The following BRI3BP variants were observed in gnomAD, a reference collection of about 807,000 sequenced individuals.
The protein encoded by BRI3BP is BRI3 binding protein, also known as BRI3-binding protein.
BRI3BP carries 7 observed loss-of-function variants against 15.8 expected under a neutral mutation model. The ratio of observed to expected loss-of-function variants is 0.44; its 90% CI spans 0.25 to 0.83. BRI3BP has a LOEUF of 0.83. Among genes scored for constraint, BRI3BP ranks in the 40% least tolerant of loss-of-function variants. The pLI, the probability that BRI3BP is intolerant of heterozygous loss-of-function variation, is 0.20. For missense variants in BRI3BP, 320 were observed against 339.3 expected, an observed-to-expected ratio of 0.94 and a Z score of 0.45; for synonymous variants, 192 against 163.5, an observed-to-expected ratio of 1.17 and a Z score of -1.33.
At chr12:125,024,312 C>G (rs1431899651) in intron 2 of BRI3BP, among the ~76,000 whole-genome samples, 2 of 104,496 alleles carry the variant, frequency 1.9e-5, no homozygotes, top group African/African-American at 1.1e-4. Context: ...CCCCATGATC[C>G]AATCACCCCC....
the BRI3BP span, among the ~76,000 whole-genome samples, chr12:125,039,045 G>T: frequency 2.0e-5 from 3 of 152,154 alleles, no homozygotes; most frequent in Non-Finnish European, 1.5e-5. Context: ...AGCTGAGATT[G>T]TGCCACTGCA....
chr12:125,007,120 A>C (rs1955151123), intron 1 of BRI3BP, among the ~76,000 whole-genome samples: 2 of 151,968 alleles, frequency 1.3e-5, no homozygotes, highest in Admixed American at 1.3e-4. Flanking sequence ...AATTGCTTGA[A>C]TCCACAAGGC....
intron 1 of BRI3BP, among the ~76,000 whole-genome samples, chr12:125,006,807 C>T (rs78666517): frequency 2.0e-5 from 3 of 152,330 alleles, no homozygotes; most frequent in East Asian, 3.9e-4. Context: ...ATTGCTTCCA[C>T]GCACCCTTTC....
downstream of BRI3BP, among the ~76,000 whole-genome samples, chr12:125,034,882 C>T (rs974412976): frequency 9.2e-5 from 14 of 152,174 alleles, no homozygotes; most frequent in African/African-American, 2.9e-4. Context: ...ACCACCGCGC[C>T]CGGCCCTAGT....
chr12:125,008,882 G>A (rs991034292), intron 1 of BRI3BP, among the ~76,000 whole-genome samples: 3 of 152,012 alleles, frequency 2.0e-5, no homozygotes, highest in Non-Finnish European at 4.4e-5. Context: ...GGGGTGACGC[G>A]GACAGTGGCA....
Position 125,014,002 on chromosome 12 carries a change from C to T in BRI3BP, c.316+1366C>T, listed in dbSNP as rs1351938766. 2.0e-5 allele frequency among the ~76,000 whole-genome samples: 3 copies of T among 152,152 alleles called. No individual in the cohort carries two copies. The South Asian group carries it at 6.2e-4, about 32-fold the overall frequency. ...TGCCCCACCTCCACCTGCATTCCAT[C>T]GGTGGGTGACAGGAGCTAACCCGGG... is the stretch of plus-strand genomic sequence containing the variant. On this transcript the variant is annotated intron_variant, in intron 2 of 2. Coordinates refer to ENST00000341446, the MANE Select transcript of BRI3BP (RefSeq NM_080626.6).
the BRI3BP span, among the ~76,000 whole-genome samples, chr12:125,038,797 G>A: frequency 6.9e-6 from 1 of 145,106 alleles, no homozygotes; most frequent in Non-Finnish European, 1.5e-5. Flanking sequence ...AAATAGAATA[G>A]AATAAAATCC....
chr12:124,994,123 A>AG (rs919774257), intron 1 of BRI3BP, 120 bp downstream of exon 1: 3 of 671,830 alleles, frequency 4.5e-6, no homozygotes, highest in African/African-American at 2.0e-5. Context: ...GCGCGGGAAG[A>AG]GGGGGTCCGG....
chr12:125,046,836 G>T, the BRI3BP span, among the ~76,000 whole-genome samples: 2 of 152,136 alleles, frequency 1.3e-5, no homozygotes, highest in East Asian at 3.9e-4. Context: ...CTCTAAAAAT[G>T]ATTATTCCCA....
chr12:125,048,932 G>A, the BRI3BP span, among the ~76,000 whole-genome samples: 3 of 152,010 alleles, frequency 2.0e-5, no homozygotes, highest in Non-Finnish European at 2.9e-5. Context: ...CAAGGTATAT[G>A]CAAGAGAGCC....
chr12:125,026,654 A>T lies in BRI3BP; in HGVS notation c.*1224A>T, dbSNP rs1033009799. 1 of 151,936 alleles carries T rather than the reference A, an allele frequency of 6.6e-6. No individual in the cohort carries two copies. Among genetic ancestry groups the T allele is most frequent in the Non-Finnish European group, 1.5e-5 (1 of 68,024 alleles). The allele number at this position is 151,936 out of a possible 1,614,324, so 9.4% of individuals were successfully genotyped here. A position where few individuals can be genotyped will look rare whatever the true frequency, so the allele number is the denominator to read the frequency against. ...CCCCTTTTGTTAGGACTTGTTTTTTAAAAAAGAAAGCCCTAGGCCAGGCGC... is the reference window on the plus strand; with the variant it reads ...CCCCTTTTGTTAGGACTTGTTTTTTTAAAAAGAAAGCCCTAGGCCAGGCGC... On this transcript the variant is annotated 3_prime_UTR_variant, in exon 3 of 3. Coordinates refer to ENST00000341446, the MANE Select transcript of BRI3BP (RefSeq NM_080626.6).
the BRI3BP span, among the ~76,000 whole-genome samples, chr12:125,045,579 G>A: frequency 1.3e-5 from 2 of 152,100 alleles, no homozygotes; most frequent in African/African-American, 2.4e-5. Context: ...CGATCTGCCC[G>A]CCTAGGTCTC....
chr12:125,018,686 T>C (rs1955267979), intron 2 of BRI3BP, among the ~76,000 whole-genome samples: 1 of 150,920 alleles, frequency 6.6e-6, no homozygotes, highest in African/African-American at 2.4e-5. Context: ...TTTTTTTTTT[T>C]TTTCTTTTCT....
At chr12:125,010,359 G>A in intron 1 of BRI3BP, among the ~76,000 whole-genome samples, 1 of 152,090 alleles carries the variant, frequency 6.6e-6, no homozygotes, top group East Asian at 1.9e-4. Context: ...AGCCTGGCTT[G>A]TGCTTTCTCA....
Position 125,025,196 on chromosome 12 carries a change from G to A in BRI3BP, c.522G>A (p.Leu174=), listed in dbSNP as rs773033037. ...TTTCCATGTCCTGCGTGTACATCCT[G>A]CACAAGTACGAGGGCGAGCCGGAGA... The part of the protein sequence containing the change: ...VLFSMSCVYI[L]HKYEGEPENA... Residue 174 remains leucine, a synonymous_variant, in exon 3 of 3, where the codon CTG becomes CTA. Coordinates refer to ENST00000341446, the MANE Select transcript of BRI3BP (RefSeq NM_080626.6). 3 of 1,614,106 alleles carry A rather than the reference G, an allele frequency of 1.9e-6. No homozygotes were observed. The highest frequency in any genetic ancestry group is 2.2e-5 in the East Asian group (1 of 44,888).
intron 1 of BRI3BP, among the ~76,000 whole-genome samples, chr12:125,005,435 C>G (rs186599211): frequency 1.7e-3 from 253 of 152,252 alleles, no homozygotes; most frequent in African/African-American, 5.6e-3. Flanking sequence ...TGGTGTTTCC[C>G]TGTGTCCCAT....
intron 2 of BRI3BP, among the ~76,000 whole-genome samples, chr12:125,014,571 G>A (rs1463715806): frequency 1.3e-5 from 2 of 152,170 alleles, no homozygotes; most frequent in African/African-American, 4.8e-5. Flanking sequence ...CCAGCAGAGG[G>A]TGCCCACCAA....
intron 2 of BRI3BP, among the ~76,000 whole-genome samples, chr12:125,022,054 T>C (rs557457376): frequency 7.0e-6 from 1 of 143,438 alleles, no homozygotes; most frequent in Non-Finnish European, 1.5e-5. Context: ...CACTCCAGCC[T>C]GGGTGACAGA....
intron 1 of BRI3BP, among the ~76,000 whole-genome samples, chr12:125,000,687 C>G (rs1459725609): frequency 6.6e-6 from 1 of 152,186 alleles, no homozygotes; most frequent in African/African-American, 2.4e-5. Flanking sequence ...GGAATAGCTG[C>G]AAACATCTCC....
Sources: gnomAD v4.1 joint callset for allele counts (sites outside exome capture counted in the v4.1 genomes callset) on GRCh38, gnomAD v4.1.1 for gene constraint, MANE v1.5 for transcripts, NCBI Gene and HGNC (gene_info 2026-07-23, HGNC 2026-07-21) for gene names.